Variants in DDHD2 observed in about 807,000 individuals in gnomAD.
DDHD2 encodes triacylglycerol hydrolase DDHD2.
DDHD2 carries 62 observed loss-of-function variants against 91.2 expected under a neutral mutation model. The ratio of observed to expected loss-of-function variants is 0.68; its 90% CI spans 0.55 to 0.84. The LOEUF is 0.84. Among genes scored for constraint, DDHD2 ranks in the 40% least tolerant of loss-of-function variants. The pLI, the probability that DDHD2 is intolerant of heterozygous loss-of-function variation, is 0.00. For synonymous variants in DDHD2, 271 were observed against 293.9 expected (o/e 0.92, Z 0.80); for missense variants, 740 against 846.9 (o/e 0.87, Z 1.57).
intron 6 of DDHD2, chr8:38,241,976 C>T: frequency 3.4e-6 from 1 of 293,954 alleles, no homozygotes; most frequent in Non-Finnish European, 6.2e-6. Flanking sequence ...ATTGCTTAAA[C>T]CAGTGAGGTG....
At chr8:38,269,300 T>C (rs1214802662) in intron 1 of DDHD2, 3 of 1,202,540 alleles carry the variant, frequency 2.5e-6, no homozygotes, top group Non-Finnish European at 3.2e-6. Flanking sequence ...TTGCCCGCGC[T>C]CCGGCGGCTC....
rs777773204 is a variant in DDHD2, at chr8:38,234,587, A to C, written c.411+3A>C. ...AGAGCTTCAGCCAAGTTTTAGAGGT[A>C]TTCTTTTGACTCTTTTTTTACTTAT... On this transcript the variant is annotated splice_donor_region_variant and intron_variant, in intron 3 of 17. Coordinates refer to ENST00000397166, the MANE Select transcript of DDHD2 (RefSeq NM_015214.3). 6.3e-7 allele frequency: 1 copy of C among 1,588,308 alleles called. No individual in the cohort carries two copies. Among genetic ancestry groups the C allele is most frequent in the Non-Finnish European group, 8.5e-7 (1 of 1,171,488 alleles).
In DDHD2 at chr8:38,231,703, C is replaced by G. The variant is rs1221394765; in HGVS notation, c.-165C>G. The G allele has an allele frequency of 6.6e-6, 1 of 152,146 alleles. No individual in the cohort carries two copies. The highest frequency in any genetic ancestry group is 1.5e-5 in the Non-Finnish European group (1 of 68,074). 9.4% of individuals were successfully genotyped at this position (152,146 alleles called of 1,614,324 possible). Reference sequence around the variant, plus strand: ...GGGCCCGCTACTCGCCCACTGGGAGCGCCGTGGCGCCTGGTGTTCGGCGCG... The same window carrying G: ...GGGCCCGCTACTCGCCCACTGGGAGGGCCGTGGCGCCTGGTGTTCGGCGCG... On this transcript the variant is annotated 5_prime_UTR_variant, in exon 1 of 18. Coordinates refer to ENST00000397166, the MANE Select transcript of DDHD2 (RefSeq NM_015214.3).
chr8:38,263,880 A>C, downstream of DDHD2: 1 of 985,208 alleles, frequency 1.0e-6, no homozygotes. Flanking sequence ...AGATCTTCAG[A>C]TATTAATCTG....
rs200119727 is a variant in DDHD2, at chr8:38,268,859, A to G, written n.88-2263A>G. On this transcript the variant is annotated intron_variant and non_coding_transcript_variant, in intron 1 of 1. Coordinates refer to the DDHD2 transcript ENST00000526071. ...GGAAGCCGGGTCATGGGGAGGGAGG[A>G]AAGACGATCTTTCTCCACGCACAAA... The G allele has an allele frequency of 1.2e-3, 1,897 of 1,533,966 alleles. 2 individuals carry two copies. Among genetic ancestry groups the G allele is most frequent in the Non-Finnish European group, 1.5e-3 (1,771 of 1,144,648 alleles).
At chr8:38,246,911 A>C (rs1430491102) in intron 9 of DDHD2, 1 of 152,290 alleles carries the variant, frequency 6.6e-6, no homozygotes, top group Non-Finnish European at 1.5e-5. Context: ...GCATATGAAC[A>C]AATGAATGAA....
chr8:38,269,210 G>GT, intron 1 of DDHD2: 2 of 1,496,566 alleles, frequency 1.3e-6, no homozygotes, highest in South Asian at 2.5e-5. Context: ...CCGGCCGCGA[G>GT]CTCCGAGCGA....
At chr8:38,266,587 G>T, downstream of DDHD2, 1 of 290,838 alleles carries the variant, frequency 3.4e-6, no homozygotes, top group Non-Finnish European at 6.5e-6. Flanking sequence ...TTTTAGTAGA[G>T]TTGGGATTTC....
chr8:38,270,185 G>A (rs2130967726), intron 1 of DDHD2: 1 of 152,308 alleles, frequency 6.6e-6, no homozygotes, highest in African/African-American at 2.4e-5. Flanking sequence ...AAAAGAGATT[G>A]ACTTTAGTGA....
At chr8:38,263,932 C>T, downstream of DDHD2, 1 of 985,226 alleles carries the variant, frequency 1.0e-6, no homozygotes, top group South Asian at 4.7e-5. Context: ...TTGAAAGATC[C>T]TTTTACTAGA....
chr8:38,271,401 C>G (rs1166344715), downstream of DDHD2: 1 of 151,976 alleles, frequency 6.6e-6, no homozygotes, highest in Non-Finnish European at 1.5e-5. Flanking sequence ...AACATTATCC[C>G]CCCCCTTACC....
intron 8 of DDHD2, 49 bp downstream of exon 8, chr8:38,245,999 G>A (rs766920676): frequency 6.5e-7 from 1 of 1,531,906 alleles, no homozygotes; most frequent in Non-Finnish European, 9.0e-7. Context: ...ACATTTTAAA[G>A]ACACCTGTTT....
At chr8:38,251,408 C>A (rs1252913888) in intron 11 of DDHD2, 1 of 152,774 alleles carries the variant, frequency 6.5e-6, no homozygotes, top group Non-Finnish European at 1.5e-5. Flanking sequence ...CAGTTCTTGG[C>A]CCAGCCCATC....
chr8:38,252,740 AGGATTGAACCAAT>A lies in DDHD2; in HGVS notation c.1639_1651del (p.Ile547TrpfsTer11). The A allele has an allele frequency of 6.2e-7, 1 of 1,613,772 alleles. No homozygotes were observed. The highest frequency in any genetic ancestry group is 8.5e-7 in the Non-Finnish European group (1 of 1,179,760). ...TATGTAGTTTGATCCTGTGGCCTAT[AGGATTGAACCAAT>A]GGTGGTCCCAGGAGTGGAATTTGAG... On this transcript the variant is annotated frameshift_variant, in exon 14 of 18. Transcript: ENST00000397166. LOFTEE classifies it high-confidence loss of function.
At position 38,233,024 on chromosome 8, in the gene DDHD2, G is replaced by A; in HGVS notation, c.30G>A (p.Gln10=). Residue 10 remains glutamine, a synonymous_variant, in exon 2 of 18, where the codon CAG becomes CAA. Transcript: ENST00000397166. The part of the protein sequence containing the change: MSSVQSQQE[Q]LSQSDPSPSP... Reference sequence around the variant, plus strand: ...CATCAGTGCAGTCACAACAGGAGCAGTTGTCCCAGTCAGATCCATCTCCGT... The same window carrying A: ...CATCAGTGCAGTCACAACAGGAGCAATTGTCCCAGTCAGATCCATCTCCGT... 2 of 1,614,156 alleles carry A rather than the reference G, an allele frequency of 1.2e-6. No individual in the cohort carries two copies. The highest frequency in any genetic ancestry group is 8.5e-7 in the Non-Finnish European group (1 of 1,180,032).
downstream of DDHD2, chr8:38,264,574 G>A: frequency 1.3e-6 from 2 of 1,592,382 alleles, no homozygotes. Flanking sequence ...ATAGGCAAAT[G>A]TCATTCCAAT....
rs1807046645 is a variant in DDHD2, at chr8:38,261,740, T to A, written c.*1167T>A. 6.6e-6 allele frequency: 1 copy of A among 152,184 alleles called. No individual in the cohort carries two copies. The highest frequency in any genetic ancestry group is 1.5e-5 in the Non-Finnish European group (1 of 68,016). 9.4% of individuals were successfully genotyped at this position (152,184 alleles called of 1,614,324 possible). On this transcript the variant is annotated 3_prime_UTR_variant, in exon 18 of 18. Transcript: ENST00000397166. The stretch of plus-strand genomic sequence containing the variant: ...TGAGGTTTACTTCTAAGAACACAAG[T>A]GACTGCACACTAATTTTGTCAAGGC...
At chr8:38,267,075 C>T (rs1169472719), downstream of DDHD2, 3 of 1,434,716 alleles carry the variant, frequency 2.1e-6, no homozygotes, top group Non-Finnish European at 2.7e-6. Context: ...AGGTAAACTA[C>T]CTTTCTGTTC....
chr8:38,270,897 T>C (rs940771815), intron 1 of DDHD2: 1 of 152,252 alleles, frequency 6.6e-6, no homozygotes, highest in African/African-American at 2.4e-5. Flanking sequence ...TTGTCACTTA[T>C]GCAATGGACT....
Sources: allele counts gnomAD v4.1 joint callset, GRCh38; gene constraint gnomAD v4.1.1; transcripts MANE v1.5; gene names NCBI Gene and HGNC (gene_info 2026-07-23, HGNC 2026-07-21).